The following PEAK1 variants were observed in gnomAD, a reference collection of about 807,000 sequenced individuals.
PEAK1 encodes the protein pseudopodium enriched atypical kinase 1, also known as inactive tyrosine-protein kinase PEAK1.
PEAK1 carries 54 observed loss-of-function variants against 124.7 expected under a neutral mutation model. The observed-to-expected ratio is 0.43, with a 90% CI of 0.35 to 0.54. The LOEUF (loss-of-function observed/expected upper bound fraction) is 0.54. Among genes scored for constraint, PEAK1 ranks in the 20% least tolerant of loss-of-function variants. The pLI is 0.01. For missense variants in PEAK1, 2,046 were observed against 2,134.5 expected, an observed-to-expected ratio of 0.96 and a Z score of 0.82; for synonymous variants, 719 against 760.0, an observed-to-expected ratio of 0.95 and a Z score of 0.89.
chr15:77,304,179 T>C (rs1302964037), intron 2 of PEAK1, among the ~76,000 whole-genome samples: 2 of 152,220 alleles, frequency 1.3e-5, no homozygotes, highest in Admixed American at 6.5e-5. Context: ...TGGCTTTCCT[T>C]ATGAGCTTTA....
intron 2 of PEAK1, among the ~76,000 whole-genome samples, chr15:77,291,427 G>A (rs1322215322): frequency 6.6e-6 from 1 of 152,036 alleles, no homozygotes; most frequent in Non-Finnish European, 1.5e-5. Flanking sequence ...TAAGAGAAAA[G>A]CGACTGATAA....
chr15:77,160,898 C>T (rs919436836), intron 7 of PEAK1, among the ~76,000 whole-genome samples: 5 of 152,118 alleles, frequency 3.3e-5, no homozygotes, highest in African/African-American at 4.8e-5. Context: ...TCAGAAGCCA[C>T]GATTCCATCC....
At chr15:77,176,375 C>T in intron 7 of PEAK1, among the ~76,000 whole-genome samples, 1 of 151,090 alleles carries the variant, frequency 6.6e-6, no homozygotes, top group East Asian at 1.9e-4. Context: ...CAGACTATAG[C>T]ATGTATCTTT....
intron 2 of PEAK1, among the ~76,000 whole-genome samples, chr15:77,322,042 C>T (rs1396714903): frequency 2.6e-5 from 4 of 152,044 alleles, no homozygotes; most frequent in African/African-American, 4.8e-5. Context: ...GGATACATAA[C>T]GAAATGAAGG....
In PEAK1 at chr15:77,268,075, G is replaced by A. The variant is rs971836801; in HGVS notation, c.-274-15549C>T. Among the ~76,000 whole-genome samples the A allele has an allele frequency of 2.0e-5, 3 of 152,170 alleles. No homozygotes were observed. In the East Asian group the frequency reaches 5.8e-4, roughly 29 times the overall value. ...AGAGAATTGCAAAATGCAATGGAAT[G>A]CCTCAGAAATAGAACTGAACAAGTA... On this transcript the variant is annotated intron_variant, in intron 5 of 9. Coordinates refer to ENST00000682557, the MANE Select transcript of PEAK1 (RefSeq NM_001385026.1).
intron 1 of PEAK1, chr15:77,371,420 A>T (rs897819099): frequency 1.0e-6 from 1 of 975,542 alleles, no homozygotes; most frequent in Non-Finnish European, 1.2e-6. Flanking sequence ...AACTTAAAAC[A>T]ATTATTTCAA....
chr15:77,166,135 TAA>T (rs2056081646), intron 7 of PEAK1, among the ~76,000 whole-genome samples: 1 of 152,178 alleles, frequency 6.6e-6, no homozygotes, highest in African/African-American at 2.4e-5. Flanking sequence ...AAAAAGTTAA[TAA>T]TTTACATTTC....
At position 77,225,518 on chromosome 15, in the gene PEAK1, T is replaced by C. The variant is rs571432123; in HGVS notation, c.-115+26849A>G. On this transcript the variant is annotated intron_variant, in intron 6 of 9. Transcript: ENST00000682557. ...TTAAAACTGTTTCCATCTATTTATATCCTCATCTGCTGCAGTTTCTGCTTA... is the reference window on the plus strand; with the variant it reads ...TTAAAACTGTTTCCATCTATTTATACCCTCATCTGCTGCAGTTTCTGCTTA... Among the ~76,000 whole-genome samples, 7 of 151,592 alleles carry C rather than the reference T, an allele frequency of 4.6e-5. No individual in the cohort carries two copies. In the South Asian group the frequency reaches 1.5e-3, roughly 31 times the overall value.
Position 77,133,258 on chromosome 15 carries a change from G to A in PEAK1, c.3824C>T (p.Ala1275Val), listed in dbSNP as rs762676642. 1.2e-6 allele frequency: 2 copies of A among 1,614,140 alleles called. No homozygotes were observed. Among genetic ancestry groups the A allele is most frequent in the Non-Finnish European group, 1.7e-6 (2 of 1,180,048 alleles). The change falls in exon 9 of 10, where the codon GCA becomes GTA. Residue 1275 changes from alanine (A) to valine (V), a missense_variant. Coordinates refer to ENST00000682557, the MANE Select transcript of PEAK1 (RefSeq NM_001385026.1). This position sits in a 1 kb window ranked among gnomAD's most constrained non-coding sequence, Gnocchi z 4.2. ...CCGATTCTCAAGTCCTCGATAAAGT[G>A]CTTGTCTCTGCGGCTTCTGGATGCC... ...GRGIQKPQRQ[A>V]LYRGLENREE...
In PEAK1 at chr15:77,287,863, T is replaced by C. The variant is rs79875107; in HGVS notation, c.-602-1359A>G. On this transcript the variant is annotated intron_variant, in intron 2 of 9. Coordinates refer to ENST00000682557, the MANE Select transcript of PEAK1 (RefSeq NM_001385026.1). ...CCCCTTAACTTCTCAAGCTAAAAGT[T>C]GGGCAATCATCTCACACTTCACCAG... Among the ~76,000 whole-genome samples the C allele has an allele frequency of 7.3e-3, 1,115 of 152,334 alleles. 15 individuals are homozygous for C. Among genetic ancestry groups the C allele is most frequent in the African/African-American group, 0.025 (1,059 of 41,592 alleles).
chr15:77,245,920 A>G (rs1247968031), intron 6 of PEAK1, among the ~76,000 whole-genome samples: 4 of 152,072 alleles, frequency 2.6e-5, no homozygotes, highest in African/African-American at 9.7e-5. Context: ...CTTTGTTTCT[A>G]TTCAGAATTG....
At chr15:77,333,799 T>C (rs1166672197) in intron 2 of PEAK1, 7 of 840,488 alleles carry the variant, frequency 8.3e-6, no homozygotes, top group African/African-American at 1.8e-5. Flanking sequence ...GTTTTAATCA[T>C]TGCAGATTTA....
At chr15:77,278,275 A>G (rs2062446660) in intron 5 of PEAK1, among the ~76,000 whole-genome samples, 1 of 152,196 alleles carries the variant, frequency 6.6e-6, no homozygotes, top group Non-Finnish European at 1.5e-5. Flanking sequence ...CTCAGCAATT[A>G]AAAGAATGAA....
rs1442758740 is a variant in PEAK1, at chr15:77,113,847, A to C, written c.*309T>G. On this transcript the variant is annotated 3_prime_UTR_variant, in exon 10 of 10. Transcript: ENST00000682557. Reference sequence around the variant, plus strand: ...CTCACTGGCTGAGTTCATACCAAAGAAGCTGTCCCTTCAAGAATATGGATT... The same window carrying C: ...CTCACTGGCTGAGTTCATACCAAAGCAGCTGTCCCTTCAAGAATATGGATT... 1.4e-5 allele frequency: 5 copies of C among 352,756 alleles called. No homozygotes were observed. Among genetic ancestry groups the C allele is most frequent in the Non-Finnish European group, 2.1e-5 (4 of 192,444 alleles). The allele number at this position is 352,756 out of a possible 1,614,324, so 21.9% of individuals were successfully genotyped here.
At chr15:77,364,209 G>C (rs2068077202) in intron 2 of PEAK1, among the ~76,000 whole-genome samples, 1 of 152,000 alleles carries the variant, frequency 6.6e-6, no homozygotes, top group Admixed American at 6.6e-5. Context: ...AAAAAAATGA[G>C]TGATGAAAAT....
intron 5 of PEAK1, among the ~76,000 whole-genome samples, chr15:77,271,182 G>A (rs1264841592): frequency 6.6e-6 from 1 of 152,190 alleles, no homozygotes; most frequent in Non-Finnish European, 1.5e-5. Flanking sequence ...ATGAAAAAAT[G>A]CCCATCATCA....
At chr15:77,235,554 A>C (rs533763799) in intron 6 of PEAK1, among the ~76,000 whole-genome samples, 43 of 152,292 alleles carry the variant, frequency 2.8e-4, no homozygotes, top group African/African-American at 5.8e-4. Context: ...ATCCAAGAAG[A>C]AGCAGAGCAT....
chr15:77,276,909 G>A (rs2062360508), intron 5 of PEAK1, among the ~76,000 whole-genome samples: 2 of 152,046 alleles, frequency 1.3e-5, no homozygotes, highest in South Asian at 4.1e-4. Context: ...GGGAGCAAAA[G>A]TTTCTATACT....
intron 6 of PEAK1, among the ~76,000 whole-genome samples, chr15:77,210,106 G>GTT (rs1409264210): frequency 5.3e-5 from 8 of 152,084 alleles, no homozygotes; most frequent in African/African-American, 1.9e-4. Context: ...AGATCAAATA[G>GTT]GATAACTAAG....
Sources: gnomAD v4.1 joint callset for allele counts (sites outside exome capture counted in the v4.1 genomes callset) on GRCh38, gnomAD v4.1.1 for gene constraint, Gnocchi (gnomAD v3.1) non-coding constraint, MANE v1.5 for transcripts, NCBI Gene and HGNC (gene_info 2026-07-23, HGNC 2026-07-21) for gene names.